SOCS7: variants seen among roughly 807,000 people sequenced by gnomAD.
SOCS7 encodes suppressor of cytokine signaling 7.
SOCS7 carries 18 observed loss-of-function variants against 58.9 expected under a neutral mutation model. The ratio of observed to expected loss-of-function variants is 0.31; its 90% CI spans 0.21 to 0.45. SOCS7 has a LOEUF of 0.45. SOCS7 is among the 20% of genes least tolerant of loss of function. The probability of loss-of-function intolerance (pLI) is 1.00; values close to 1 mark genes in which losing one functional copy is unlikely to be tolerated. For synonymous variants in SOCS7, 388 were observed against 364.3 expected (o/e 1.06, Z -0.74); for missense variants, 667 against 837.3 (o/e 0.80, Z 2.51).
chr17:38,391,607 C>T (rs1373602012), intron 7 of SOCS7, among the ~76,000 whole-genome samples: 1 of 152,070 alleles, frequency 6.6e-6, no homozygotes, highest in Admixed American at 6.6e-5. Context: ...CCCTATGTTG[C>T]CCAGGCCAAT....
At chr17:38,393,902 AAAAC>A (rs962930586) in intron 7 of SOCS7, among the ~76,000 whole-genome samples, 29 of 152,212 alleles carry the variant, frequency 1.9e-4, no homozygotes, top group Non-Finnish European at 2.2e-4. Flanking sequence ...TCCGCCTCAA[AAAAC>A]AAACAAACAA....
intron 1 of SOCS7, among the ~76,000 whole-genome samples, chr17:38,356,406 C>G (rs2037638858): frequency 6.6e-6 from 1 of 151,632 alleles, no homozygotes; most frequent in Admixed American, 6.5e-5. Flanking sequence ...GGGATGGAGT[C>G]TCACTCTGTT....
chr17:38,372,678 G>A (rs1429094483), intron 6 of SOCS7, among the ~76,000 whole-genome samples: 1 of 152,174 alleles, frequency 6.6e-6, no homozygotes, highest in Non-Finnish European at 1.5e-5. Context: ...TAGTGTTGCT[G>A]GAAGTTCCCC....
chr17:38,371,448 T>G (rs1007012309), intron 6 of SOCS7, among the ~76,000 whole-genome samples: 4 of 152,142 alleles, frequency 2.6e-5, no homozygotes, highest in South Asian at 2.1e-4. Flanking sequence ...TTTTGTATTT[T>G]TAGTAGAGAC....
At chr17:38,369,476 C>CTCCT (rs767951523) in intron 6 of SOCS7, among the ~76,000 whole-genome samples, 2 of 152,122 alleles carry the variant, frequency 1.3e-5, no homozygotes, top group Non-Finnish European at 2.9e-5. Flanking sequence ...GGGGGACTGC[C>CTCCT]TCCTGTTCTG....
chr17:38,357,137 C>A (rs971681264), intron 1 of SOCS7, among the ~76,000 whole-genome samples: 1 of 152,154 alleles, frequency 6.6e-6, no homozygotes, highest in Non-Finnish European at 1.5e-5. Flanking sequence ...GAAAGAGAGG[C>A]AGGCTGCTTT....
chr17:38,363,565 G>A (rs959867124), intron 2 of SOCS7, among the ~76,000 whole-genome samples: 1 of 152,162 alleles, frequency 6.6e-6, no homozygotes, highest in Non-Finnish European at 1.5e-5. Flanking sequence ...GAACTCCTGA[G>A]TGCAAGTGAT....
In SOCS7 at chr17:38,373,920, C is replaced by T. The variant is rs185860035; in HGVS notation, c.1553-3794C>T. ...TCATGAATGTCTGGAAAGATTCCTC[C>T]ATTGAAGTTGCCATAGTTGACCGGG... On this transcript the variant is annotated intron_variant, in intron 6 of 9. Coordinates refer to ENST00000612932, the MANE Select transcript of SOCS7 (RefSeq NM_014598.4). Among the ~76,000 whole-genome samples, 785 of 152,326 alleles carry T rather than the reference C, an allele frequency of 5.2e-3. 7 individuals carry two copies. Among genetic ancestry groups the T allele is most frequent in the African/African-American group, 0.018 (759 of 41,576 alleles).
Position 38,401,471 on chromosome 17 carries a change from T to G in SOCS7, c.*1989T>G, listed in dbSNP as rs1389804627. ...GGGATCTTTCTTTTTTTTGTTCCTT[T>G]TCAACCACCCATAATTTTAATATTA... is the stretch of plus-strand genomic sequence containing the variant. On this transcript the variant is annotated 3_prime_UTR_variant, in exon 10 of 10. Transcript: ENST00000612932. The G allele has an allele frequency of 1.3e-5, 2 of 152,156 alleles. No individual in the cohort carries two copies. Among genetic ancestry groups the G allele is most frequent in the Non-Finnish European group, 2.9e-5 (2 of 68,028 alleles). 9.4% of individuals were successfully genotyped at this position (152,156 alleles called of 1,614,324 possible). A position where few individuals can be genotyped will look rare whatever the true frequency, so the allele number is the denominator to read the frequency against.
At chr17:38,387,083 A>T (rs1296473103) in intron 7 of SOCS7, among the ~76,000 whole-genome samples, 4 of 31,804 alleles carry the variant, frequency 1.3e-4, no homozygotes, top group East Asian at 1.3e-3. Context: ...CTCTTATCTT[A>T]AAAAAAAAAA....
intron 7 of SOCS7, among the ~76,000 whole-genome samples, chr17:38,385,963 A>T (rs1003668417): frequency 5.9e-5 from 9 of 151,908 alleles, no homozygotes; most frequent in Non-Finnish European, 1.2e-4. Context: ...AGGATCGCTT[A>T]TACCCAGGAG....
At position 38,405,192 on chromosome 17, in the gene SOCS7, G is replaced by C. The variant is rs867870418; in HGVS notation, c.*5710G>C. 2.9e-4 allele frequency: 43 copies of C among 150,314 alleles called. No individual in the cohort carries two copies. The highest frequency in any genetic ancestry group is 1.0e-3 in the African/African-American group (42 of 41,082). 9.3% of individuals were successfully genotyped at this position (150,314 alleles called of 1,614,324 possible). On this transcript the variant is annotated 3_prime_UTR_variant, in exon 10 of 10. Transcript: ENST00000612932. ...AAAAAAATACTAAATGGTTAAAATA[G>C]ACTTGCAGGCCAATCTTAAATGGGG...
chr17:38,356,835 C>G (rs1264035179), intron 1 of SOCS7, among the ~76,000 whole-genome samples: 1 of 152,218 alleles, frequency 6.6e-6, no homozygotes, highest in Non-Finnish European at 1.5e-5. Context: ...ATTGCTATTT[C>G]AGGAAAACCA....
At chr17:38,365,008 C>A (rs1253255370) in intron 3 of SOCS7, 152 bp downstream of exon 3, 12 of 634,458 alleles carry the variant, frequency 1.9e-5, no homozygotes, top group South Asian at 3.9e-5. Context: ...TCTCCCTAAG[C>A]AATTAAATGG....
chr17:38,357,864 T>A (rs1555567025), intron 1 of SOCS7, among the ~76,000 whole-genome samples: 1 of 152,252 alleles, frequency 6.6e-6, no homozygotes. Context: ...TTCATTGTTT[T>A]TATTTTAGGT....
intron 2 of SOCS7, among the ~76,000 whole-genome samples, chr17:38,364,469 G>A (rs192634328): frequency 6.4e-4 from 98 of 152,308 alleles, no homozygotes; most frequent in African/African-American, 2.2e-3. Flanking sequence ...TTGAGGGTAC[G>A]TTGTAAGTCA....
intron 6 of SOCS7, among the ~76,000 whole-genome samples, chr17:38,376,226 G>A (rs72834012): frequency 0.095 from 14,447 of 152,140 alleles, 780 homozygotes; most frequent in East Asian, 0.19. Context: ...CAGGATGCAA[G>A]GCAGAACAAC....
intron 1 of SOCS7, among the ~76,000 whole-genome samples, chr17:38,353,753 A>G (rs1394272027): frequency 6.6e-6 from 1 of 152,114 alleles, no homozygotes; most frequent in Non-Finnish European, 1.5e-5. Context: ...ACAAACAAAC[A>G]AAAAATTAGC....
chr17:38,385,908 A>G (rs888384428), intron 7 of SOCS7, among the ~76,000 whole-genome samples: 2 of 152,182 alleles, frequency 1.3e-5, no homozygotes, highest in African/African-American at 2.4e-5. Context: ...AACATATAAT[A>G]GTAGCTCATG....
Sources: gnomAD v4.1 joint callset for allele counts (sites outside exome capture counted in the v4.1 genomes callset) on GRCh38, gnomAD v4.1.1 for gene constraint, MANE v1.5 for transcripts, NCBI Gene and HGNC (gene_info 2026-07-23, HGNC 2026-07-21) for gene names.